MYOF: variants seen among roughly 807,000 people sequenced by gnomAD.
MYOF encodes fer-1-like 3, myoferlin.
Under a neutral mutation model 284.2 loss-of-function variants are expected in MYOF, and 244 were observed. The ratio of observed to expected loss-of-function variants is 0.86; its 90% CI spans 0.77 to 0.95. The LOEUF (loss-of-function observed/expected upper bound fraction) is 0.95. Among genes scored for constraint, MYOF ranks in the 40% least tolerant of loss-of-function variants. MYOF has a pLI of 0.00. For synonymous variants in MYOF, 904 were observed against 919.7 expected (o/e 0.98, Z 0.31); for missense variants, 2,496 against 2,560.6 (o/e 0.97, Z 0.54).
chr10:93,415,729 A>G (rs954129620), intron 5 of MYOF, among the ~76,000 whole-genome samples: 3 of 152,152 alleles, frequency 2.0e-5, no homozygotes, highest in Admixed American at 2.0e-4. Context: ...ACTCTTCCGC[A>G]TTTGCACAGA....
intron 38 of MYOF, among the ~76,000 whole-genome samples, chr10:93,343,103 T>G (rs1023106694): frequency 2.0e-5 from 3 of 152,222 alleles, no homozygotes; most frequent in Non-Finnish European, 2.9e-5. Flanking sequence ...AGTGCAATCA[T>G]GTGCATTTTT....
rs1415831883 is a variant in MYOF at position 93,369,790 on chromosome 10, A to G, written c.2458-14T>C. ...CTCCTGTGGATACTGTGAGATGAAC[A>G]ATAGCATGTGATGTTACATTAGGCA... On this transcript the variant is annotated splice_polypyrimidine_tract_variant and intron_variant, in intron 24 of 53. Coordinates refer to ENST00000359263, the MANE Select transcript of MYOF (RefSeq NM_013451.4). 3 of 1,614,076 alleles carry G rather than the reference A, an allele frequency of 1.9e-6. No individual in the cohort carries two copies. Among genetic ancestry groups the G allele is most frequent in the Non-Finnish European group, 2.5e-6 (3 of 1,180,002 alleles).
intron 3 of MYOF, among the ~76,000 whole-genome samples, chr10:93,435,467 A>G (rs540621137): frequency 3.9e-5 from 6 of 152,290 alleles, no homozygotes; most frequent in African/African-American, 1.4e-4. Flanking sequence ...CCAGGTTGAA[A>G]ACAACTCCTG....
chr10:93,409,495 C>T, intron 6 of MYOF, 78 bp downstream of exon 6: 1 of 1,521,752 alleles, frequency 6.6e-7, no homozygotes. Context: ...AATAGGTCCA[C>T]TGAAACATCA....
chr10:93,440,421 A>AT (rs34745885), intron 3 of MYOF, among the ~76,000 whole-genome samples: 146,750 of 151,842 alleles, frequency 0.97, 71,102 homozygotes, highest in East Asian at 1. Context: ...GAAAAAAAAA[A>AT]CCCCCAAAAC....
intron 51 of MYOF, among the ~76,000 whole-genome samples, chr10:93,310,871 T>C (rs1273262844): frequency 2.6e-5 from 4 of 152,112 alleles, no homozygotes; most frequent in Non-Finnish European, 5.9e-5. Context: ...CTCCCTACTT[T>C]TCATTTTCTG....
At chr10:93,402,917 C>G in intron 9 of MYOF, 27 bp from the exon 10 acceptor site, 6 of 1,592,896 alleles carry the variant, frequency 3.8e-6, no homozygotes, top group Non-Finnish European at 5.2e-6. Context: ...CGAAAGTAGT[C>G]TAAGTAGATT....
At chr10:93,367,717 G>C (rs1845389635) in intron 25 of MYOF, among the ~76,000 whole-genome samples, 1 of 152,040 alleles carries the variant, frequency 6.6e-6, no homozygotes, top group African/African-American at 2.4e-5. Flanking sequence ...GGCTTTGAGG[G>C]CTGTGGCTTT....
chr10:93,307,417 C>T (rs936769894), intron 53 of MYOF, among the ~76,000 whole-genome samples: 2 of 151,944 alleles, frequency 1.3e-5, no homozygotes, highest in Non-Finnish European at 2.9e-5. Context: ...TCTCCTGCCT[C>T]AGCCTCCAGA....
At chr10:93,417,327 A>G (rs1022098395) in intron 5 of MYOF, among the ~76,000 whole-genome samples, 4 of 152,160 alleles carry the variant, frequency 2.6e-5, no homozygotes, top group Admixed American at 2.6e-4. Context: ...AGCTCCAGCA[A>G]TGTAATCATT....
chr10:93,339,169 T>C (rs1192793505), intron 39 of MYOF, among the ~76,000 whole-genome samples: 1 of 151,716 alleles, frequency 6.6e-6, no homozygotes, highest in Non-Finnish European at 1.5e-5. Context: ...TGTGCCACCA[T>C]ACGAGGCTAC....
At chr10:93,459,905 C>G (rs932349369) in intron 1 of MYOF, among the ~76,000 whole-genome samples, 1 of 152,128 alleles carries the variant, frequency 6.6e-6, no homozygotes, top group African/African-American at 2.4e-5. Flanking sequence ...ACCCTGCTCC[C>G]ATAACCGGGG....
chr10:93,367,402 G>A (rs1363476379), intron 25 of MYOF, among the ~76,000 whole-genome samples: 1 of 152,210 alleles, frequency 6.6e-6, no homozygotes, highest in Non-Finnish European at 1.5e-5. Context: ...AAAGCTTTTG[G>A]CTGAAGGAGA....
Position 93,377,255 on chromosome 10 carries a change from TAC to T in MYOF, c.2108+66_2108+67del, listed in dbSNP as rs2133985661. 3 of 1,104,012 alleles carry T rather than the reference TAC, an allele frequency of 2.7e-6. No individual in the cohort carries two copies. The Admixed American group carries it at 5.4e-5, about 20-fold the overall frequency. 68.4% of individuals were successfully genotyped at this position (1,104,012 alleles called of 1,614,324 possible). A position where few individuals can be genotyped will look rare whatever the true frequency, so the allele number is the denominator to read the frequency against. On this transcript the variant is annotated intron_variant, in intron 22 of 53. Transcript: ENST00000359263. ...ACACTAGAAACAATTCCACAGGATT[TAC>T]AGTCTTAGAATTTCAGGGAGGAGCG... is the stretch of plus-strand genomic sequence containing the variant.
intron 15 of MYOF, among the ~76,000 whole-genome samples, chr10:93,396,929 C>A (rs1226887335): frequency 6.6e-6 from 1 of 152,128 alleles, no homozygotes; most frequent in Non-Finnish European, 1.5e-5. Flanking sequence ...TGATTCTTCC[C>A]AAGAAATGCT....
chr10:93,320,519 T>C (rs1372484963), intron 48 of MYOF, among the ~76,000 whole-genome samples: 2 of 152,196 alleles, frequency 1.3e-5, no homozygotes, highest in Admixed American at 6.5e-5. Flanking sequence ...TTAAATTCAC[T>C]ATGATAATAT....
intron 40 of MYOF, among the ~76,000 whole-genome samples, chr10:93,336,339 A>C (rs1843605691): frequency 6.6e-6 from 1 of 152,244 alleles, no homozygotes; most frequent in Non-Finnish European, 1.5e-5. Context: ...CTTCATTATC[A>C]GGAGAATGGA....
intron 4 of MYOF, among the ~76,000 whole-genome samples, chr10:93,426,881 TG>T (rs1848611523): frequency 8.8e-6 from 1 of 113,886 alleles, no homozygotes; most frequent in South Asian, 3.1e-4. Context: ...AGAACGAGAC[TG>T]TCTTTTTTTT....
chr10:93,430,102 T>C (rs1043418396), intron 4 of MYOF, among the ~76,000 whole-genome samples: 4 of 151,632 alleles, frequency 2.6e-5, no homozygotes, highest in Admixed American at 6.6e-5. Flanking sequence ...GCCTGGCTAA[T>C]TTTTTGTATT....
Sources: gnomAD v4.1 joint callset for allele counts (sites outside exome capture counted in the v4.1 genomes callset) on GRCh38, gnomAD v4.1.1 for gene constraint, MANE v1.5 for transcripts, NCBI Gene and HGNC (gene_info 2026-07-23, HGNC 2026-07-21) for gene names.